Variants in SCRG1 observed in about 807,000 individuals in gnomAD.
SCRG1 encodes stimulator of chondrogenesis 1.
In SCRG1, 3 loss-of-function variants were observed where a neutral mutation model predicts 7.7. The ratio of observed to expected loss-of-function variants is 0.39; its 90% confidence interval spans 0.18 to 1.01. SCRG1 has a LOEUF of 1.01. Ranked by LOEUF, SCRG1 falls within the 50% of genes least tolerant of loss-of-function variation. The pLI is 0.36. For synonymous variants in SCRG1, 46 were observed against 41.2 expected (o/e 1.12, Z -0.44); for missense variants, 110 against 117.2 (o/e 0.94, Z 0.28).
At chr4:173,476,361 A>ATATATATATATATATATAT in the SCRG1 span, among the ~76,000 whole-genome samples, 372 of 51,336 alleles carry the variant, frequency 7.2e-3, 5 homozygotes, top group African/African-American at 0.017. Flanking sequence ...GGGGAAAAAA[A>ATATATATATATATATATAT]AAATATATAT....
chr4:173,420,178 C>A, the SCRG1 span: 3 of 451,712 alleles, frequency 6.6e-6, no homozygotes, highest in Admixed American at 5.1e-5. Context: ...CAACAGAGAC[C>A]TTCAGGCCCG....
chr4:173,450,140 C>T, the SCRG1 span, among the ~76,000 whole-genome samples: 1 of 152,126 alleles, frequency 6.6e-6, no homozygotes, highest in Non-Finnish European at 1.5e-5. Flanking sequence ...GGGAAGCAGG[C>T]AACTCTTCAC....
chr4:173,432,768 C>T, the SCRG1 span, among the ~76,000 whole-genome samples: 1 of 152,194 alleles, frequency 6.6e-6, no homozygotes, highest in South Asian at 2.1e-4. Flanking sequence ...TACAGCCACT[C>T]TTTGCTCTGC....
chr4:173,435,913 AGT>A, the SCRG1 span, among the ~76,000 whole-genome samples: 1 of 152,222 alleles, frequency 6.6e-6, no homozygotes, highest in East Asian at 1.9e-4. Flanking sequence ...TGAATTTACA[AGT>A]TCAGTGCAAC....
the SCRG1 span, chr4:173,468,299 C>T: frequency 1.3e-5 from 2 of 152,162 alleles, no homozygotes; most frequent in African/African-American, 2.4e-5. Flanking sequence ...ACAGGCTATA[C>T]TATATAGCCT....
At chr4:173,473,317 C>T in the SCRG1 span, among the ~76,000 whole-genome samples, 1 of 152,212 alleles carries the variant, frequency 6.6e-6, no homozygotes, top group East Asian at 1.9e-4. Context: ...GCTGGCCTGA[C>T]CACACATCGT....
At chr4:173,453,940 T>A in the SCRG1 span, among the ~76,000 whole-genome samples, 5 of 152,046 alleles carry the variant, frequency 3.3e-5, no homozygotes, top group African/African-American at 1.2e-4. Flanking sequence ...TAGCCAGGCA[T>A]GGTGGCATGT....
the SCRG1 span, among the ~76,000 whole-genome samples, chr4:173,510,838 T>G: frequency 4.6e-5 from 7 of 152,306 alleles, no homozygotes; most frequent in East Asian, 1.3e-3. This position sits in a 1 kb window ranked among gnomAD's most constrained non-coding sequence, Gnocchi z 5.7. Flanking sequence ...CACAAGCGCT[T>G]TTGATGAGAG....
At chr4:173,491,704 G>A in the SCRG1 span, among the ~76,000 whole-genome samples, 7 of 152,268 alleles carry the variant, frequency 4.6e-5, no homozygotes, top group East Asian at 5.8e-4. Context: ...CCAGCTCTCC[G>A]CTTGCACTGA....
the SCRG1 span, among the ~76,000 whole-genome samples, chr4:173,445,873 C>T: frequency 6.6e-6 from 1 of 151,834 alleles, no homozygotes; most frequent in African/African-American, 2.4e-5. Flanking sequence ...ACCATGTTGG[C>T]CAGGCTGGTC....
chr4:173,461,381 T>G, the SCRG1 span, among the ~76,000 whole-genome samples: 1 of 152,210 alleles, frequency 6.6e-6, no homozygotes, highest in African/African-American at 2.4e-5. Context: ...ACTCTGTATG[T>G]TTGGGAGTAA....
the SCRG1 span, among the ~76,000 whole-genome samples, chr4:173,485,096 T>C: frequency 4.8e-5 from 2 of 41,950 alleles, 1 homozygote; most frequent in African/African-American, 2.2e-4. Flanking sequence ...TATTATATAT[T>C]ATATATTATA....
At chr4:173,426,629 A>G in the SCRG1 span, among the ~76,000 whole-genome samples, 53 of 152,286 alleles carry the variant, frequency 3.5e-4, no homozygotes, top group Admixed American at 3.5e-3. Context: ...CACCCAGCTA[A>G]CTTTTAAAAA....
At chr4:173,492,204 T>G in the SCRG1 span, among the ~76,000 whole-genome samples, 2 of 152,166 alleles carry the variant, frequency 1.3e-5, no homozygotes, top group Non-Finnish European at 2.9e-5. Flanking sequence ...TAGTCAGTCA[T>G]TGAGCCTTAG....
chr4:173,474,085 C>T, the SCRG1 span, among the ~76,000 whole-genome samples: 18 of 151,976 alleles, frequency 1.2e-4, no homozygotes, highest in Non-Finnish European at 1.3e-4. Flanking sequence ...GAGGCTGAGG[C>T]AAGGGAATCC....
chr4:173,451,599 C>CATTTT, the SCRG1 span, among the ~76,000 whole-genome samples: 13 of 138,630 alleles, frequency 9.4e-5, no homozygotes, highest in South Asian at 7.0e-4. Flanking sequence ...ACAGTGGTAC[C>CATTTT]ATTTTATTTT....
At chr4:173,485,537 C>T in the SCRG1 span, among the ~76,000 whole-genome samples, 1 of 151,898 alleles carries the variant, frequency 6.6e-6, no homozygotes, top group Non-Finnish European at 1.5e-5. Flanking sequence ...GAATTACGAG[C>T]AATTTAATGG....
chr4:173,448,758 G>A, the SCRG1 span, among the ~76,000 whole-genome samples: 66 of 152,204 alleles, frequency 4.3e-4, 2 homozygotes, highest in East Asian at 9.7e-3. Flanking sequence ...TTTATGGATC[G>A]CTAGTTGTGC....
At chr4:173,415,987 G>C in the SCRG1 span, among the ~76,000 whole-genome samples, 8 of 152,254 alleles carry the variant, frequency 5.3e-5, no homozygotes, top group African/African-American at 1.9e-4. Context: ...CCACTGGCAA[G>C]TCTCTAGGAG....
Sources: allele counts gnomAD v4.1 joint callset (sites outside exome capture counted in the v4.1 genomes callset), GRCh38; gene constraint gnomAD v4.1.1; non-coding constraint Gnocchi (gnomAD v3.1); transcripts MANE v1.5; gene names NCBI Gene and HGNC (gene_info 2026-07-23, HGNC 2026-07-21).